Variants in SYNE1 observed in about 807,000 individuals in gnomAD.
SYNE1 encodes the protein spectrin repeat containing nuclear envelope protein 1.
A neutral mutation model predicts 1,111.0 loss-of-function variants in SYNE1; 616 were observed. The ratio of observed to expected loss-of-function variants is 0.55; its 90% CI spans 0.52 to 0.59. The LOEUF (loss-of-function observed/expected upper bound fraction) is 0.59, where lower values mean the gene tolerates loss of function less well. Ranked by LOEUF, SYNE1 falls within the 20% of genes least tolerant of loss-of-function variation. The pLI is 0.00. For synonymous variants in SYNE1, 3,855 were observed against 3,825.8 expected, an observed-to-expected ratio of 1.01 and a Z score of -0.28; for missense variants, 10,006 against 10,417.0, an observed-to-expected ratio of 0.96 and a Z score of 1.72.
intron 97 of SYNE1, among the ~76,000 whole-genome samples, chr6:152,281,113 A>G (rs752447675): frequency 6.6e-6 from 1 of 152,240 alleles, no homozygotes; most frequent in African/African-American, 2.4e-5. Flanking sequence ...AAAGCTTTTA[A>G]GGTATACTTC....
Position 152,462,888 on chromosome 6 carries a change from A to C in SYNE1, c.2100T>G (p.Tyr700Ter). ...TTCTGTCCATCTCATCAGCTTGAGC[A>C]TACTGTTAAGGAAAGGGAGGAGGGA... is the stretch of plus-strand genomic sequence containing the variant. ...WRELFMEVKQ[Y>*]AQADEMDRMK... The change falls in exon 20 of 146, where the codon TAT becomes TAG. Residue 700 changes from tyrosine (Y) to a stop codon, truncating the protein, a stop_gained and splice_region_variant. Coordinates refer to ENST00000367255, the MANE Select transcript of SYNE1 (RefSeq NM_182961.4). LOFTEE classifies it high-confidence loss of function. 6.2e-7 allele frequency: 1 copy of C among 1,613,906 alleles called. No homozygotes were observed. The highest frequency in any genetic ancestry group is 8.5e-7 in the Non-Finnish European group (1 of 1,179,890).
chr6:152,244,650 G>T lies in SYNE1; in HGVS notation c.19579C>A (p.Gln6527Lys). Residue 6527 changes from glutamine (Q) to lysine (K), a missense_variant, in exon 106 of 146, where the codon CAA becomes AAA. Gln to Lys is a moderately conservative substitution (Grantham distance 53). Transcript: ENST00000367255. ...QPVAEQIEAIQQAEDGLKEFD... is the reference protein window; with the variant it reads ...QPVAEQIEAIKQAEDGLKEFD... ...TCTTTGAGTCCATCTTCAGCCTGTT[G>T]TATTGCCTAAGTAAGATCCATGACA... 2 of 1,613,854 alleles carry T rather than the reference G, an allele frequency of 1.2e-6. No individual in the cohort carries two copies. The highest frequency in any genetic ancestry group is 2.2e-5 in the South Asian group (2 of 91,086).
chr6:152,405,109 T>C (rs1406638171), intron 45 of SYNE1: 1 of 152,304 alleles, frequency 6.6e-6, no homozygotes, highest in East Asian at 1.9e-4. Context: ...GGAATCTTGC[T>C]ACTTACCTAC....
intron 121 of SYNE1, among the ~76,000 whole-genome samples, chr6:152,216,925 T>C (rs1440819027): frequency 6.6e-6 from 1 of 151,624 alleles, no homozygotes; most frequent in African/African-American, 2.4e-5. Context: ...TAGCAGGGCA[T>C]GGTGGCACAT....
chr6:152,339,367 C>T lies in SYNE1; in HGVS notation c.12226-1G>A. ...CTTGCAAAGCTCTGAAGTGTTTGACCTGGAAAAGGCAGTTATCAGAGTGAA... is the reference window on the plus strand; with the variant it reads ...CTTGCAAAGCTCTGAAGTGTTTGACTTGGAAAAGGCAGTTATCAGAGTGAA... On this transcript the variant is annotated splice_acceptor_variant, in intron 74 of 145. Coordinates refer to ENST00000367255, the MANE Select transcript of SYNE1 (RefSeq NM_182961.4). LOFTEE classifies it high-confidence loss of function. The T allele has an allele frequency of 6.2e-7, 1 of 1,613,540 alleles. No individual in the cohort carries two copies. Among genetic ancestry groups the T allele is most frequent in the East Asian group, 2.2e-5 (1 of 44,830 alleles).
At chr6:152,502,982 T>C (rs1210134200) in intron 9 of SYNE1, among the ~76,000 whole-genome samples, 2 of 152,164 alleles carry the variant, frequency 1.3e-5, no homozygotes, top group Admixed American at 1.3e-4. Context: ...GAAAGTAGCA[T>C]ATGTGTCATT....
intron 3 of SYNE1, among the ~76,000 whole-genome samples, chr6:152,619,608 A>G (rs981877530): frequency 2.6e-5 from 4 of 152,214 alleles, no homozygotes; most frequent in African/African-American, 9.6e-5. Context: ...TCCCCAAAAC[A>G]CAAGCAGGAA....
At chr6:152,572,659 G>T (rs2099469046) in intron 3 of SYNE1, among the ~76,000 whole-genome samples, 1 of 152,168 alleles carries the variant, frequency 6.6e-6, no homozygotes, top group South Asian at 2.1e-4. Context: ...ATTCGTTCCA[G>T]AAAAAGTCTT....
At chr6:152,619,134 G>T (rs1480125649) in intron 3 of SYNE1, among the ~76,000 whole-genome samples, 2 of 151,950 alleles carry the variant, frequency 1.3e-5, no homozygotes, top group Admixed American at 6.6e-5. Flanking sequence ...TAATAACCTG[G>T]GATGTGAATT....
At chr6:152,280,427 A>AT (rs910372091) in intron 97 of SYNE1, among the ~76,000 whole-genome samples, 36 of 148,904 alleles carry the variant, frequency 2.4e-4, no homozygotes, top group East Asian at 5.9e-4. Flanking sequence ...TTAAAATGTT[A>AT]TTTTTTTTTT....
chr6:152,202,097 A>C, intron 126 of SYNE1, 148 bp from the exon 127 acceptor site: 1 of 1,088,790 alleles, frequency 9.2e-7, no homozygotes, highest in Non-Finnish European at 1.3e-6. Context: ...GTGTAATCCC[A>C]GCACTTTGGG....
intron 95 of SYNE1, among the ~76,000 whole-genome samples, chr6:152,289,502 T>C (rs987994092): frequency 6.6e-6 from 1 of 152,260 alleles, no homozygotes; most frequent in Non-Finnish European, 1.5e-5. Flanking sequence ...GCAATTCTGC[T>C]GTCTCAGCCT....
At position 152,219,141 on chromosome 6, in the gene SYNE1, A is replaced by T. The variant is rs756776662; in HGVS notation, c.21906T>A (p.Phe7302Leu). ...GLGTVKDSLF[F>L]LHELGEQLKQ... ...TCAGTTGCTCTCCCAGCTCATGGAGAAAAAAGAGGGAATCTTTAACTGTGC... is the reference window on the plus strand; with the variant it reads ...TCAGTTGCTCTCCCAGCTCATGGAGTAAAAAGAGGGAATCTTTAACTGTGC... Residue 7302 changes from phenylalanine to leucine, a missense_variant, in exon 120 of 146, where the codon TTT (phenylalanine) becomes TTA (leucine). By Grantham distance (22) the Phe-to-Leu change is conservative. Transcript: ENST00000367255. 6.2e-7 allele frequency: 1 copy of T among 1,613,976 alleles called. No individual in the cohort carries two copies. The highest frequency in any genetic ancestry group is 8.5e-7 in the Non-Finnish European group (1 of 1,179,990).
In SYNE1 at chr6:152,444,481, T is replaced by C. The variant is rs780949070; in HGVS notation, c.3767A>G (p.Gln1256Arg). The part of the protein sequence containing the change: ...EELISGSKEV[Q>R]EQAEKILDTE... ...ATCCAAGATCTTCTCAGCTTGTTCC[T>C]GGACTTCTTTAGAGCCAGAAATTAA... Residue 1256 changes from glutamine to arginine, a missense_variant, in exon 30 of 146, where the codon CAG (glutamine) becomes CGG (arginine). Coordinates refer to ENST00000367255, the MANE Select transcript of SYNE1 (RefSeq NM_182961.4). 6.2e-7 allele frequency: 1 copy of C among 1,614,058 alleles called. No homozygotes were observed. Among genetic ancestry groups the C allele is most frequent in the South Asian group, 1.1e-5 (1 of 91,082 alleles).
chr6:152,590,411 A>G (rs2099555800), intron 3 of SYNE1, among the ~76,000 whole-genome samples: 1 of 151,596 alleles, frequency 6.6e-6, no homozygotes, highest in African/African-American at 2.4e-5. Flanking sequence ...ATACTACCTA[A>G]TTTTTTATGT....
intron 55 of SYNE1, 159 bp from the exon 56 acceptor site, chr6:152,381,521 A>C: frequency 1.3e-6 from 1 of 765,138 alleles, no homozygotes; most frequent in Non-Finnish European, 2.2e-6. Context: ...TTAAATTATA[A>C]TAGCGGGAGT....
chr6:152,166,683 T>C (rs2063726784), intron 130 of SYNE1, among the ~76,000 whole-genome samples: 1 of 152,210 alleles, frequency 6.6e-6, no homozygotes, highest in East Asian at 1.9e-4. Context: ...TAGGGACAAG[T>C]TCCTCTTTCA....
chr6:152,363,221 G>A (rs772908630), intron 63 of SYNE1, among the ~76,000 whole-genome samples: 23 of 148,244 alleles, frequency 1.6e-4, no homozygotes, highest in Middle Eastern at 3.4e-3. Flanking sequence ...CAGGCCGGGC[G>A]CGGTGACTCA....
At chr6:152,465,546 G>T in intron 17 of SYNE1, 86 bp from the exon 18 acceptor site, 1 of 1,216,388 alleles carries the variant, frequency 8.2e-7, no homozygotes, top group Non-Finnish European at 1.2e-6. Flanking sequence ...ACATTGGTGT[G>T]CAATAGTATC....
Sources: allele counts gnomAD v4.1 joint callset (sites outside exome capture counted in the v4.1 genomes callset), GRCh38; gene constraint gnomAD v4.1.1; transcripts MANE v1.5; gene names NCBI Gene and HGNC (gene_info 2026-07-23, HGNC 2026-07-21).